Variants in ACSM2B observed in about 807,000 individuals in gnomAD.
The protein encoded by ACSM2B is acyl-CoA synthetase medium chain family member 2B.
In ACSM2B, 58 loss-of-function variants were observed where a neutral mutation model predicts 78.6. The ratio of observed to expected loss-of-function variants is 0.74; its 90% CI spans 0.60 to 0.92. ACSM2B has a LOEUF of 0.92. Among genes scored for constraint, ACSM2B ranks in the 40% least tolerant of loss-of-function variants. The pLI is 0.00. For synonymous variants in ACSM2B, 257 were observed against 256.8 expected (o/e 1.00, Z -0.01); for missense variants, 688 against 711.2 (o/e 0.97, Z 0.37).
intron 3 of ACSM2B, among the ~76,000 whole-genome samples, chr16:20,557,677 C>T (rs1416000305): frequency 6.6e-6 from 1 of 152,220 alleles, no homozygotes. Flanking sequence ...GACCACAAGG[C>T]ACTGCCAATA....
chr16:20,562,153 G>C (rs2015680149), intron 2 of ACSM2B, among the ~76,000 whole-genome samples: 1 of 151,914 alleles, frequency 6.6e-6, no homozygotes, highest in Non-Finnish European at 1.5e-5. Context: ...AGTTGGAATT[G>C]CTGAATGGCA....
chr16:20,550,667 C>T (rs376254640), intron 6 of ACSM2B, among the ~76,000 whole-genome samples: 1 of 152,134 alleles, frequency 6.6e-6, no homozygotes, highest in Non-Finnish European at 1.5e-5. Context: ...TTAGCTTGAA[C>T]CTTTGCTGCA....
intron 1 of ACSM2B, among the ~76,000 whole-genome samples, chr16:20,568,640 T>G (rs2152148325): frequency 6.6e-6 from 1 of 151,502 alleles, no homozygotes; most frequent in East Asian, 1.9e-4. Flanking sequence ...TTTGATGAAT[T>G]TCCAGTTTTC....
At chr16:20,575,388 A>C (rs1057127442) in intron 1 of ACSM2B, 1 of 151,386 alleles carries the variant, frequency 6.6e-6, no homozygotes, top group Non-Finnish European at 1.5e-5. Flanking sequence ...ACACAACTGT[A>C]TATATATATA....
intron 1 of ACSM2B, among the ~76,000 whole-genome samples, chr16:20,566,697 AGT>A (rs371870211): frequency 0.038 from 167 of 4,414 alleles, 16 homozygotes; most frequent in East Asian, 0.18. Flanking sequence ...TACTATATAT[AGT>A]ATATATATAG....
rs2015150626 is a variant in ACSM2B at position 20,546,624 on chromosome 16, C to G, written c.1099-150G>C. The G allele has an allele frequency of 1.8e-5, 24 of 1,306,456 alleles. No individual in the cohort carries two copies. The South Asian group carries it at 5.1e-4, about 28-fold the overall frequency. The allele number at this position is 1,306,456 out of a possible 1,614,324, so 80.9% of individuals were successfully genotyped here. A position where few individuals can be genotyped will look rare whatever the true frequency, so the allele number is the denominator to read the frequency against. On this transcript the variant is annotated intron_variant, in intron 8 of 13. Transcript: ENST00000329697. ...CCTGCTCCTCATTCCCTGGCTCTCT[C>G]CCCATTACTGGAATCACAATCCTAG...
At chr16:20,542,340 G>A (rs1380331214) in intron 12 of ACSM2B, 2 of 149,008 alleles carry the variant, frequency 1.3e-5, no homozygotes, top group Non-Finnish European at 3.0e-5. Context: ...TTACTTATGA[G>A]TGCAAACACG....
intron 9 of ACSM2B, 23 bp from the exon 10 acceptor site, chr16:20,545,281 A>C (rs1248692228): frequency 3.0e-5 from 49 of 1,609,706 alleles, no homozygotes; most frequent in Non-Finnish European, 4.1e-5. Flanking sequence ...GCATATTGGA[A>C]GAATGACGCA....
At chr16:20,555,906 C>T (rs1040389948) in intron 3 of ACSM2B, among the ~76,000 whole-genome samples, 3 of 152,126 alleles carry the variant, frequency 2.0e-5, no homozygotes, top group African/African-American at 7.2e-5. Flanking sequence ...CAATTTATTT[C>T]AACCCTGGGA....
intron 1 of ACSM2B, among the ~76,000 whole-genome samples, chr16:20,570,808 T>C (rs941461631): frequency 3.9e-5 from 6 of 151,968 alleles, no homozygotes; most frequent in Non-Finnish European, 8.8e-5. Context: ...AGGAGGGTTG[T>C]ATCTTCCCAA....
chr16:20,576,277 G>C lies in ACSM2B; in HGVS notation c.-79C>G, dbSNP rs1182918173. On this transcript the variant is annotated 5_prime_UTR_variant, in exon 1 of 14. Coordinates refer to ENST00000329697, the MANE Select transcript of ACSM2B (RefSeq NM_001105069.2). ...CCCTCCTCTCCAGCCAGCAGCTCCA[G>C]AACTCCTACAGCCTTGGAAGAGAGC... The C allele has an allele frequency of 6.6e-6, 1 of 151,740 alleles. No homozygotes were observed. The highest frequency in any genetic ancestry group is 1.5e-5 in the Non-Finnish European group (1 of 68,146). 9.4% of individuals were successfully genotyped at this position (151,740 alleles called of 1,614,324 possible). A position where few individuals can be genotyped will look rare whatever the true frequency, so the allele number is the denominator to read the frequency against.
intron 3 of ACSM2B, among the ~76,000 whole-genome samples, chr16:20,558,914 A>G (rs2015556562): frequency 1.3e-5 from 2 of 152,236 alleles, no homozygotes; most frequent in African/African-American, 2.4e-5. Flanking sequence ...ATTTATTTGT[A>G]TAGATTTTAA....
At chr16:20,568,320 T>C (rs966459578) in intron 1 of ACSM2B, among the ~76,000 whole-genome samples, 4 of 143,928 alleles carry the variant, frequency 2.8e-5, no homozygotes, top group African/African-American at 1.0e-4. Context: ...ATATATTATA[T>C]ACAATTATAT....
chr16:20,552,093 C>A (rs2015327252), intron 6 of ACSM2B, 51 bp downstream of exon 6: 1 of 1,542,978 alleles, frequency 6.5e-7, no homozygotes, highest in African/African-American at 1.4e-5. Flanking sequence ...TTGAAGTGTG[C>A]AAACCTCGGG....
Position 20,548,349 on chromosome 16 carries a change from G to A in ACSM2B, c.974+45C>T, listed in dbSNP as rs184866258. The A allele has an allele frequency of 1.3e-3, 2,073 of 1,612,018 alleles. 22 individuals are homozygous for A. In the African/African-American group the frequency reaches 0.024, roughly 19 times the overall value. ...GCATGAATGTATGTGAGGGAGTCAG[G>A]GGGATGGGGCCAGACTCTCTTACCA... On this transcript the variant is annotated intron_variant, in intron 7 of 13. Transcript: ENST00000329697.
In ACSM2B at chr16:20,555,672, T is replaced by C. The variant is rs1450705177; in HGVS notation, c.389-196A>G. ...CCTAGGATTCCCTGGGTTGTCAGAG[T>C]CTTAAGGGCCCTACTGAGACAAAGA... On this transcript the variant is annotated intron_variant, in intron 3 of 13. Transcript: ENST00000329697. 4.6e-5 allele frequency among the ~76,000 whole-genome samples: 7 copies of C among 151,954 alleles called. No individual in the cohort carries two copies. In the East Asian group the frequency reaches 1.4e-3, roughly 29 times the overall value.
chr16:20,540,384 A>G (rs1397695925), intron 13 of ACSM2B, among the ~76,000 whole-genome samples: 1 of 151,900 alleles, frequency 6.6e-6, no homozygotes, highest in East Asian at 1.9e-4. Context: ...CTGGGATTAC[A>G]GGCACATGCC....
rs561914224 is a variant in ACSM2B at position 20,540,286 on chromosome 16, A to G, written c.1629+368T>C. Among the ~76,000 whole-genome samples the G allele has an allele frequency of 7.3e-5, 10 of 136,188 alleles. No individual in the cohort carries two copies. In the East Asian group the frequency reaches 1.7e-3, roughly 24 times the overall value. 89.3% of individuals were successfully genotyped at this position (136,188 alleles called of 152,430 possible). ...GAGACAGGGTCTCACTCTGTCACTT[A>G]GGCTGGAGTGCAGTGGCATGATCTC... On this transcript the variant is annotated intron_variant, in intron 13 of 13. Transcript: ENST00000329697.
Position 20,564,833 on chromosome 16 carries a change from G to C in ACSM2B, c.13C>G (p.Arg5Gly). The change falls in exon 2 of 14, where the codon CGA becomes GGA. Residue 5 changes from arginine (R) to glycine (G), a missense_variant. Arg to Gly is a moderately radical substitution (Grantham distance 125). Coordinates refer to ENST00000329697, the MANE Select transcript of ACSM2B (RefSeq NM_001105069.2). ...AGGGTGCAAAGTCCCTGAACTTTTC[G>C]CAGCCAATGCATGTTCAGGCCTGTA... MHWL[R>G]KVQGLCTLWG... 1 of 1,610,636 alleles carries C rather than the reference G, an allele frequency of 6.2e-7. No homozygotes were observed. The highest frequency in any genetic ancestry group is 8.5e-7 in the Non-Finnish European group (1 of 1,177,880).
Sources: allele counts gnomAD v4.1 joint callset (sites outside exome capture counted in the v4.1 genomes callset), GRCh38; gene constraint gnomAD v4.1.1; transcripts MANE v1.5; gene names NCBI Gene and HGNC (gene_info 2026-07-23, HGNC 2026-07-21).